The following DAPK1 variants were observed in gnomAD, a reference collection of about 807,000 sequenced individuals.
The protein encoded by DAPK1 is death-associated protein kinase 1.
A neutral mutation model predicts 144.9 loss-of-function variants in DAPK1; 56 were observed. That is an observed-to-expected ratio of 0.39 (90% confidence interval 0.31 to 0.48). The LOEUF (loss-of-function observed/expected upper bound fraction) is 0.48. DAPK1 is among the 20% of genes least tolerant of loss of function. DAPK1 has a pLI of 0.95. For missense variants in DAPK1, 1,454 were observed against 1,875.4 expected, an observed-to-expected ratio of 0.78 and a Z score of 4.15; for synonymous variants, 690 against 749.0, an observed-to-expected ratio of 0.92 and a Z score of 1.29.
chr9:87,523,758 A>C (rs1825388623), intron 2 of DAPK1, among the ~76,000 whole-genome samples: 1 of 152,120 alleles, frequency 6.6e-6, no homozygotes, highest in South Asian at 2.1e-4. Context: ...CTCAGTTACC[A>C]TTTGCTCATC....
chr9:87,651,532 A>G lies in DAPK1; in HGVS notation c.1632A>G (p.Gly544=), dbSNP rs1290907558. 2 of 1,614,066 alleles carry G rather than the reference A, an allele frequency of 1.2e-6. No individual in the cohort carries two copies. The highest frequency in any genetic ancestry group is 2.7e-5 in the African/African-American group (2 of 74,930). The change falls in exon 17 of 26, where the codon GGA becomes GGG. Residue 544 remains glycine, a synonymous_variant. Transcript: ENST00000408954. ...GADLNACDKD[G]HIALHLAVRR... Reference sequence around the variant, plus strand: ...TCTCTGGGGTTTGTTTCCAGGACGGACACATTGCCCTTCATCTGGCTGTAA... The same window carrying G: ...TCTCTGGGGTTTGTTTCCAGGACGGGCACATTGCCCTTCATCTGGCTGTAA...
At chr9:87,547,223 A>C (rs1408195170) in intron 2 of DAPK1, among the ~76,000 whole-genome samples, 1 of 152,220 alleles carries the variant, frequency 6.6e-6, no homozygotes, top group African/African-American at 2.4e-5. Flanking sequence ...AATTTGATAT[A>C]AAAATAATCA....
intron 2 of DAPK1, among the ~76,000 whole-genome samples, chr9:87,502,570 C>T (rs1377056940): frequency 1.3e-5 from 2 of 152,202 alleles, no homozygotes; most frequent in Non-Finnish European, 2.9e-5. Flanking sequence ...TGTGAGCCTC[C>T]TGGGCACCTC....
At chr9:87,605,231 C>T in intron 3 of DAPK1, 56 bp downstream of exon 3, 1 of 1,440,586 alleles carries the variant, frequency 6.9e-7, no homozygotes, top group Non-Finnish European at 9.7e-7. Context: ...CAGCTGGCAT[C>T]TTCGTTCCAG....
intron 3 of DAPK1, among the ~76,000 whole-genome samples, chr9:87,615,318 C>G (rs1829057800): frequency 6.6e-6 from 1 of 152,186 alleles, no homozygotes; most frequent in African/African-American, 2.4e-5. Context: ...TGAGGAACAT[C>G]AGGGATCCAG....
At chr9:87,622,377 C>T (rs966007381) in intron 3 of DAPK1, among the ~76,000 whole-genome samples, 1 of 151,936 alleles carries the variant, frequency 6.6e-6, no homozygotes, top group South Asian at 2.1e-4. Flanking sequence ...CAGCAGGCTC[C>T]GGTACCTCAC....
chr9:87,629,753 A>G (rs1048530789), intron 3 of DAPK1, among the ~76,000 whole-genome samples: 1 of 152,192 alleles, frequency 6.6e-6, no homozygotes, highest in Non-Finnish European at 1.5e-5. Context: ...GTTTGACATT[A>G]TATTTTCCAA....
At position 87,540,941 on chromosome 9, in the gene DAPK1, C is replaced by T. The variant is rs36231440; in HGVS notation, c.62+41802C>T. Among the ~76,000 whole-genome samples, 1,388 of 152,250 alleles carry T rather than the reference C, an allele frequency of 9.1e-3. 22 individuals are homozygous for T. The highest frequency in any genetic ancestry group is 0.032 in the African/African-American group (1,326 of 41,540). On this transcript the variant is annotated intron_variant, in intron 2 of 25. Coordinates refer to ENST00000408954, the MANE Select transcript of DAPK1 (RefSeq NM_004938.4). ...CTGTGACATACCACAGAAATGTGTTCTGAGTTTTTCTTACCAATCTAAGCC... is the reference window on the plus strand; with the variant it reads ...CTGTGACATACCACAGAAATGTGTTTTGAGTTTTTCTTACCAATCTAAGCC...
At chr9:87,693,202 A>G (rs1295108095) in intron 21 of DAPK1, among the ~76,000 whole-genome samples, 1 of 151,516 alleles carries the variant, frequency 6.6e-6, no homozygotes, top group African/African-American at 2.4e-5. Flanking sequence ...CCTTTGGGAC[A>G]CCAAAAACTT....
At chr9:87,703,674 C>T (rs1237576958) in intron 25 of DAPK1, among the ~76,000 whole-genome samples, 1 of 152,080 alleles carries the variant, frequency 6.6e-6, no homozygotes, top group Non-Finnish European at 1.5e-5. Flanking sequence ...TCTGGAGATA[C>T]AAAGACAGAG....
intron 21 of DAPK1, among the ~76,000 whole-genome samples, chr9:87,688,651 T>C (rs1358829469): frequency 1.3e-5 from 2 of 152,192 alleles, no homozygotes; most frequent in Non-Finnish European, 2.9e-5. Flanking sequence ...TGGTATCTCA[T>C]TGTGGTTTTG....
chr9:87,603,999 A>G (rs1358087416), intron 2 of DAPK1, among the ~76,000 whole-genome samples: 2 of 152,196 alleles, frequency 1.3e-5, no homozygotes, highest in Non-Finnish European at 2.9e-5. Flanking sequence ...TTATTGGCTT[A>G]TGTCGCTGAA....
intron 2 of DAPK1, among the ~76,000 whole-genome samples, chr9:87,601,845 T>A (rs1327100401): frequency 2.0e-5 from 3 of 152,182 alleles, no homozygotes; most frequent in Non-Finnish European, 4.4e-5. Context: ...ACAATTCTGT[T>A]GAACTATAAT....
At position 87,686,058 on chromosome 9, in the gene DAPK1, T is replaced by C. The variant is rs1587844353; in HGVS notation, c.2225-493T>C. ...CAGTGTGTGATTCAGCATTATTTAA[T>C]GCTATGGCCTGCTACTGTCTGAAAT... On this transcript the variant is annotated intron_variant, in intron 20 of 25. Transcript: ENST00000408954. This position sits in a 1 kb window ranked among gnomAD's most constrained non-coding sequence, Gnocchi z 4.2. Among the ~76,000 whole-genome samples, 1 of 152,232 alleles carries C rather than the reference T, an allele frequency of 6.6e-6. No individual in the cohort carries two copies. The highest frequency in any genetic ancestry group is 2.4e-5 in the African/African-American group (1 of 41,470).
At chr9:87,553,962 A>G (rs1299782556) in intron 2 of DAPK1, 1 of 152,240 alleles carries the variant, frequency 6.6e-6, no homozygotes, top group African/African-American at 2.4e-5. Context: ...AGGGAACCCG[A>G]TCGGGAAACT....
chr9:87,546,500 G>A (rs1311068527), intron 2 of DAPK1, among the ~76,000 whole-genome samples: 21 of 152,158 alleles, frequency 1.4e-4, no homozygotes, highest in Admixed American at 1.4e-3. Context: ...AATTGGTTGG[G>A]TCTGCATAGG....
At chr9:87,681,285 GA>G (rs763230169) in intron 19 of DAPK1, 118 bp from the exon 20 acceptor site, 3 of 394,376 alleles carry the variant, frequency 7.6e-6, no homozygotes, top group Admixed American at 5.3e-5. Context: ...TCTCAAAAAA[GA>G]AAAAAAGAAA....
In DAPK1 at chr9:87,643,366, T is replaced by TTTAA. The variant is rs71354773; in HGVS notation, c.919-10_919-9insTTAA. The TTTAA allele has an allele frequency of 2.5e-5, 34 of 1,349,836 alleles. No individual in the cohort carries two copies. In the African/African-American group the frequency reaches 5.8e-4, roughly 23 times the overall value. 83.6% of individuals were successfully genotyped at this position (1,349,836 alleles called of 1,614,324 possible). On this transcript the variant is annotated splice_polypyrimidine_tract_variant and intron_variant, in intron 10 of 25. Coordinates refer to ENST00000408954, the MANE Select transcript of DAPK1 (RefSeq NM_004938.4). ...CCCTCCCTTTTTTTTTTTTTTTTTTTAAAAAAAAGCAATCCGTTCGCTTGA... is the reference window on the plus strand; with the variant it reads ...CCCTCCCTTTTTTTTTTTTTTTTTTTTTAAAAAAAAAAGCAATCCGTTCGCTTGA...
chr9:87,642,642 G>A (rs74362275), intron 10 of DAPK1, among the ~76,000 whole-genome samples: 1 of 152,064 alleles, frequency 6.6e-6, no homozygotes, highest in African/African-American at 2.4e-5. Context: ...CTGTGCCCAG[G>A]GTCATGTCAA....
Sources: gnomAD v4.1 joint callset for allele counts (sites outside exome capture counted in the v4.1 genomes callset) on GRCh38, gnomAD v4.1.1 for gene constraint, Gnocchi (gnomAD v3.1) non-coding constraint, MANE v1.5 for transcripts, NCBI Gene and HGNC (gene_info 2026-07-23, HGNC 2026-07-21) for gene names.